Variants in DTL observed in about 807,000 individuals in gnomAD.
The protein encoded by DTL is denticleless E3 ubiquitin protein ligase adapter, also known as denticleless protein homolog.
DTL carries 46 observed loss-of-function variants against 87.0 expected under a neutral mutation model. The observed-to-expected ratio is 0.53, with a 90% confidence interval of 0.42 to 0.68. DTL has a LOEUF of 0.68. Ranked by LOEUF, DTL falls within the 30% of genes least tolerant of loss-of-function variation. DTL has a pLI of 0.00. For missense variants in DTL, 737 were observed against 869.4 expected (o/e 0.85, Z 1.91); for synonymous variants, 308 against 311.2 (o/e 0.99, Z 0.11).
chr1:212,071,101 GT>G (rs1654657609), intron 10 of DTL, among the ~76,000 whole-genome samples: 2 of 152,314 alleles, frequency 1.3e-5, no homozygotes, highest in Admixed American at 1.3e-4. Flanking sequence ...AATGTCTGAT[GT>G]GAGGAGTATT....
At chr1:212,071,590 AT>A (rs149754045) in intron 10 of DTL, among the ~76,000 whole-genome samples, 13 of 150,544 alleles carry the variant, frequency 8.6e-5, no homozygotes, top group African/African-American at 1.2e-4. Flanking sequence ...CTTTTCACTG[AT>A]TTTTTTTTTC....
chr1:212,084,599 C>T (rs944385733), intron 13 of DTL, among the ~76,000 whole-genome samples: 3 of 152,188 alleles, frequency 2.0e-5, no homozygotes, highest in Admixed American at 1.3e-4. Flanking sequence ...GTTTCCCTTT[C>T]CCAGAGGCAA....
At position 212,103,976 on chromosome 1, in the gene DTL, A is replaced by G. The variant is rs1242189929; in HGVS notation, c.*1036A>G. The G allele has an allele frequency of 1.3e-5, 2 of 152,218 alleles. No individual in the cohort carries two copies. The highest frequency in any genetic ancestry group is 2.4e-5 in the African/African-American group (1 of 41,464). The allele number at this position is 152,218 out of a possible 1,614,324, so 9.4% of individuals were successfully genotyped here. A position where few individuals can be genotyped will look rare whatever the true frequency, so the allele number is the denominator to read the frequency against. ...AAAGCAATAGCCTTTTAGTATAGAT[A>G]GCCCTGAGCCAAAAAGTAATAGAAT... On this transcript the variant is annotated 3_prime_UTR_variant, in exon 15 of 15. Coordinates refer to ENST00000366991, the MANE Select transcript of DTL (RefSeq NM_016448.4).
In DTL at chr1:212,064,790, C is replaced by T. The variant is rs1654441982; in HGVS notation, c.527-127C>T. The T allele has an allele frequency of 7.2e-6, 5 of 695,754 alleles. No individual in the cohort carries two copies. In the Admixed American group the frequency reaches 1.2e-4, roughly 16 times the overall value. 43.1% of individuals were successfully genotyped at this position (695,754 alleles called of 1,614,324 possible). A position where few individuals can be genotyped will look rare whatever the true frequency, so the allele number is the denominator to read the frequency against. ...TCTCACCACAGGAGATGTAGTGCAG[C>T]TGGCTCTGCTGGCTTCTAATTTCAC... On this transcript the variant is annotated intron_variant, in intron 6 of 14. Transcript: ENST00000366991.
intron 13 of DTL, among the ~76,000 whole-genome samples, chr1:212,092,133 A>G (rs1309226503): frequency 6.6e-6 from 1 of 152,186 alleles, no homozygotes; most frequent in Non-Finnish European, 1.5e-5. Flanking sequence ...TTGAGTCCCC[A>G]AAGTCCATTG....
intron 5 of DTL, among the ~76,000 whole-genome samples, chr1:212,052,643 CAAA>C (rs58890704): frequency 5.2e-5 from 6 of 115,638 alleles, no homozygotes; most frequent in Admixed American, 9.4e-5. Context: ...GACTCTGCCT[CAAA>C]AAAAAAAAAA....
intron 10 of DTL, among the ~76,000 whole-genome samples, chr1:212,071,253 G>A (rs1654661295): frequency 6.6e-6 from 1 of 152,200 alleles, no homozygotes; most frequent in Non-Finnish European, 1.5e-5. Flanking sequence ...TCTCTGGAGT[G>A]TGATTGTTTT....
chr1:212,067,532 T>G (rs1654541869), intron 8 of DTL, among the ~76,000 whole-genome samples: 1 of 152,198 alleles, frequency 6.6e-6, no homozygotes, highest in Non-Finnish European at 1.5e-5. Flanking sequence ...AATTTTTAAT[T>G]TAAAAGATGA....
intron 12 of DTL, among the ~76,000 whole-genome samples, chr1:212,079,755 C>T (rs1218324801): frequency 6.6e-6 from 1 of 152,186 alleles, no homozygotes; most frequent in Non-Finnish European, 1.5e-5. Context: ...AGATTCCAAA[C>T]ATTTCATATT....
intron 5 of DTL, among the ~76,000 whole-genome samples, chr1:212,048,656 T>A (rs1667873998): frequency 6.6e-6 from 1 of 152,194 alleles, no homozygotes; most frequent in Admixed American, 6.5e-5. Flanking sequence ...GCTCTTCATT[T>A]CTGTTTTTGT....
intron 1 of DTL, among the ~76,000 whole-genome samples, chr1:212,036,163 C>A (rs1410517385): frequency 6.6e-5 from 10 of 152,178 alleles, no homozygotes; most frequent in Non-Finnish European, 1.5e-4. Flanking sequence ...GTAACGTAGG[C>A]AGGGACGTCG....
In DTL at chr1:212,062,888, A is replaced by G. The variant is rs1413858696; in HGVS notation, c.465A>G (p.Val155=). 15 of 1,613,114 alleles carry G rather than the reference A, an allele frequency of 9.3e-6. No individual in the cohort carries two copies. Among genetic ancestry groups the G allele is most frequent in the Non-Finnish European group, 1.3e-5 (15 of 1,179,106 alleles). ...SVAFSKFEKA[V]FCTGGRDGNI... is the part of the protein sequence containing the mutation. ...AATCTGTTTATTTCCCCACAGCTGTATTCTGTACGGGTGGAAGAGATGGCA... is the reference window on the plus strand; with the variant it reads ...AATCTGTTTATTTCCCCACAGCTGTGTTCTGTACGGGTGGAAGAGATGGCA... The change falls in exon 6 of 15, where the codon GTA becomes GTG. Residue 155 remains valine (V), a synonymous_variant. Coordinates refer to ENST00000366991, the MANE Select transcript of DTL (RefSeq NM_016448.4).
At position 212,080,612 on chromosome 1, in the gene DTL, T is replaced by C; in HGVS notation, c.1126-3T>C. On this transcript the variant is annotated splice_region_variant and splice_polypyrimidine_tract_variant and intron_variant, in intron 12 of 14. Coordinates refer to ENST00000366991, the MANE Select transcript of DTL (RefSeq NM_016448.4). ...TAATTCCCTTCTTGGTACTCCCTCT[T>C]AGATTGCTACCTGTTCTGATGACAA... 1 of 1,609,454 alleles carries C rather than the reference T, an allele frequency of 6.2e-7. No individual in the cohort carries two copies. The highest frequency in any genetic ancestry group is 8.5e-7 in the Non-Finnish European group (1 of 1,178,310).
intron 12 of DTL, among the ~76,000 whole-genome samples, chr1:212,079,731 A>G (rs1283212261): frequency 3.9e-5 from 6 of 152,218 alleles, no homozygotes; most frequent in Non-Finnish European, 8.8e-5. Flanking sequence ...TTAATAAACT[A>G]TAGAAGAACT....
chr1:212,072,455 A>C (rs974848136), intron 11 of DTL, among the ~76,000 whole-genome samples: 2 of 152,158 alleles, frequency 1.3e-5, no homozygotes, highest in African/African-American at 4.8e-5. Context: ...TTCAAAAATT[A>C]TTAGGAAATT....
intron 7 of DTL, among the ~76,000 whole-genome samples, chr1:212,066,341 A>G (rs1165185534): frequency 4.6e-5 from 7 of 152,208 alleles, no homozygotes; most frequent in African/African-American, 1.7e-4. Context: ...GAGCCAAGAT[A>G]ACTTGTTAAG....
At chr1:212,058,739 C>T (rs527490431) in intron 5 of DTL, among the ~76,000 whole-genome samples, 2 of 151,058 alleles carry the variant, frequency 1.3e-5, no homozygotes, top group African/African-American at 4.9e-5. Flanking sequence ...AAAGGGTCAA[C>T]AAAACAAAAG....
chr1:212,079,635 T>G (rs939802601), intron 12 of DTL, among the ~76,000 whole-genome samples: 7 of 152,160 alleles, frequency 4.6e-5, no homozygotes, highest in Admixed American at 3.9e-4. Flanking sequence ...ATTATTTGAG[T>G]ACAAAGCTTT....
chr1:212,065,349 T>A lies in DTL; in HGVS notation c.639+320T>A, dbSNP rs1039208358. Among the ~76,000 whole-genome samples, 118 of 146,764 alleles carry A rather than the reference T, an allele frequency of 8.0e-4. 1 individual carries two copies. The highest frequency in any genetic ancestry group is 7.1e-3 in the Middle Eastern group (2 of 280). The stretch of plus-strand genomic sequence containing the variant: ...TCTCATGCCATTAAGCAGAAAGTGG[T>A]TTTTTTTTTTACAATTTCAATATCT... On this transcript the variant is annotated intron_variant, in intron 7 of 14. Coordinates refer to ENST00000366991, the MANE Select transcript of DTL (RefSeq NM_016448.4).
Sources: gnomAD v4.1 joint callset for allele counts (sites outside exome capture counted in the v4.1 genomes callset) on GRCh38, gnomAD v4.1.1 for gene constraint, MANE v1.5 for transcripts, NCBI Gene and HGNC (gene_info 2026-07-23, HGNC 2026-07-21) for gene names.